BIRC6: variants seen among roughly 807,000 people sequenced by gnomAD.
The protein encoded by BIRC6 is dual E2 ubiquitin-conjugating enzyme/E3 ubiquitin-protein ligase BIRC6.
Under a neutral mutation model 503.3 loss-of-function variants are expected in BIRC6, and 98 were observed. The observed-to-expected ratio is 0.19, with a 90% CI of 0.17 to 0.23. The LOEUF is 0.23. BIRC6 is among the 10% of genes least tolerant of loss of function. The probability of loss-of-function intolerance (pLI) is 1.00; values close to 1 mark genes in which losing one functional copy is unlikely to be tolerated. For missense variants in BIRC6, 5,360 were observed against 5,806.0 expected, an observed-to-expected ratio of 0.92 and a Z score of 2.50; for synonymous variants, 2,240 against 2,078.7, an observed-to-expected ratio of 1.08 and a Z score of -2.11.
intron 10 of BIRC6, among the ~76,000 whole-genome samples, chr2:32,417,504 A>G (rs1465692795): frequency 3.3e-5 from 5 of 152,156 alleles, no homozygotes; most frequent in Admixed American, 6.5e-5. Flanking sequence ...GAAAAGGATT[A>G]CTGACAATAT....
At chr2:32,563,523 A>G (rs374527664) in intron 65 of BIRC6, 81 of 152,328 alleles carry the variant, frequency 5.3e-4, no homozygotes, top group East Asian at 3.1e-3. Context: ...AATATATGCA[A>G]TGTTTACTGG....
chr2:32,482,391 G>A (rs1249635217), intron 38 of BIRC6, 38 bp from the exon 39 acceptor site: 5 of 1,595,208 alleles, frequency 3.1e-6, no homozygotes, highest in African/African-American at 1.3e-5. Context: ...CAGCCAAGAG[G>A]CAAAAATAAA....
intron 3 of BIRC6, among the ~76,000 whole-genome samples, chr2:32,382,804 A>G (rs1296347728): frequency 6.6e-6 from 1 of 152,048 alleles, no homozygotes; most frequent in Non-Finnish European, 1.5e-5. Context: ...GCTCACTGCA[A>G]CGTCCGTCTC....
intron 60 of BIRC6, 107 bp from the exon 61 acceptor site, chr2:32,531,247 TC>T (rs2056727809): frequency 7.7e-6 from 7 of 912,342 alleles, no homozygotes; most frequent in Non-Finnish European, 1.1e-5. Flanking sequence ...TGTTTTGTGC[TC>T]TTTTTTGAGT....
At chr2:32,362,479 C>A (rs1202049594) in intron 1 of BIRC6, among the ~76,000 whole-genome samples, 1 of 152,024 alleles carries the variant, frequency 6.6e-6, no homozygotes, top group Admixed American at 6.6e-5. Flanking sequence ...CCAGACCCGG[C>A]TAATTTTTTT....
At chr2:32,389,056 G>C (rs768925374) in intron 4 of BIRC6, 113 bp downstream of exon 4, 1 of 739,022 alleles carries the variant, frequency 1.4e-6, no homozygotes, top group Non-Finnish European at 1.9e-6. Flanking sequence ...ACAATTTCTA[G>C]CCTAATTTTG....
At chr2:32,381,405 A>G (rs1017293552) in intron 3 of BIRC6, among the ~76,000 whole-genome samples, 4 of 151,570 alleles carry the variant, frequency 2.6e-5, no homozygotes, top group African/African-American at 9.7e-5. Context: ...ACGCCTGGCA[A>G]ATTTTGTATT....
chr2:32,543,191 CTGATGTTGAAAA>C, intron 61 of BIRC6, 38 bp from the exon 62 acceptor site: 3 of 1,528,526 alleles, frequency 2.0e-6, no homozygotes, highest in Non-Finnish European at 1.8e-6. Context: ...TACTTTGAAT[CTGATGTTGAAAA>C]TGTGAATGGC....
At chr2:32,524,603 T>G (rs1473919014) in intron 57 of BIRC6, among the ~76,000 whole-genome samples, 2 of 152,178 alleles carry the variant, frequency 1.3e-5, no homozygotes, top group Non-Finnish European at 2.9e-5. Context: ...ATGCTACTGG[T>G]TTTTCATTGT....
Position 32,415,910 on chromosome 2 carries a change from C to T in BIRC6, c.2619C>T (p.Asp873=). ...ATATATTGGATAATCGAGAGGATGA[C>T]TGTGAGGAACCTATTGAGGACATGC... ...PPDILDNRED[D]CEEPIEDMQL... Residue 873 remains aspartate (D), a synonymous_variant, in exon 10 of 74, where the codon GAC becomes GAT. Transcript: ENST00000421745. 2 of 1,613,962 alleles carry T rather than the reference C, an allele frequency of 1.2e-6. No individual in the cohort carries two copies. The highest frequency in any genetic ancestry group is 1.7e-6 in the Non-Finnish European group (2 of 1,179,878).
intron 5 of BIRC6, 88 bp downstream of exon 5, chr2:32,392,238 A>T: frequency 1.0e-6 from 1 of 961,422 alleles, no homozygotes; most frequent in Non-Finnish European, 1.6e-6. Flanking sequence ...TTTTTCAGAA[A>T]CTTATTTTGT....
At chr2:32,439,188 T>C (rs907732597) in intron 15 of BIRC6, among the ~76,000 whole-genome samples, 19 of 150,572 alleles carry the variant, frequency 1.3e-4, no homozygotes, top group East Asian at 3.9e-4. Flanking sequence ...TGTGTGTGTG[T>C]GCGTGTGTAT....
chr2:32,433,504 C>A, intron 12 of BIRC6, 140 bp from the exon 13 acceptor site: 1 of 598,688 alleles, frequency 1.7e-6, no homozygotes, highest in Non-Finnish European at 2.7e-6. Flanking sequence ...GAGCTATTTT[C>A]TCTCTTGATC....
Position 32,453,946 on chromosome 2 carries a change from C to T in BIRC6, c.4753+4C>T, listed in dbSNP as rs562460636. On this transcript the variant is annotated splice_donor_region_variant and intron_variant, in intron 23 of 73. Coordinates refer to ENST00000421745, the MANE Select transcript of BIRC6 (RefSeq NM_016252.4). ...AGAATAGAAAGGGATGATGCAAGTA[C>T]GTTTACTGGTATATACCTTCTTTTA... is the stretch of plus-strand genomic sequence containing the variant. 32 of 1,610,014 alleles carry T rather than the reference C, an allele frequency of 2.0e-5. No individual in the cohort carries two copies. In the African/African-American group the frequency reaches 2.5e-4, roughly 13 times the overall value.
chr2:32,616,462 A>AGG (rs1391714855), intron 73 of BIRC6, among the ~76,000 whole-genome samples: 2 of 148,534 alleles, frequency 1.3e-5, no homozygotes, highest in Admixed American at 1.4e-4. Flanking sequence ...CGGGAGGCTG[A>AGG]GGCATGAGAA....
At chr2:32,505,577 G>A (rs925743617) in intron 50 of BIRC6, among the ~76,000 whole-genome samples, 1 of 152,116 alleles carries the variant, frequency 6.6e-6, no homozygotes, top group African/African-American at 2.4e-5. Flanking sequence ...TGTGAAATTA[G>A]CATAGATTTG....
At chr2:32,429,484 C>T (rs1247436551) in intron 11 of BIRC6, among the ~76,000 whole-genome samples, 189 bp downstream of exon 11, 1 of 151,492 alleles carries the variant, frequency 6.6e-6, no homozygotes, top group Admixed American at 6.6e-5. Context: ...AGCTTTTAGT[C>T]TAATTAGAGG....
chr2:32,399,827 G>T (rs181555737), intron 6 of BIRC6, among the ~76,000 whole-genome samples: 10 of 151,854 alleles, frequency 6.6e-5, no homozygotes, highest in Admixed American at 4.6e-4. Context: ...TTGCTCTGTT[G>T]CTCAGGCTGG....
intron 6 of BIRC6, among the ~76,000 whole-genome samples, chr2:32,399,697 G>A (rs767573679): frequency 2.0e-5 from 3 of 152,122 alleles, no homozygotes; most frequent in Non-Finnish European, 2.9e-5. Flanking sequence ...AGTTGATCCT[G>A]CTTACAATAT....
Sources: allele counts gnomAD v4.1 joint callset (sites outside exome capture counted in the v4.1 genomes callset), GRCh38; gene constraint gnomAD v4.1.1; transcripts MANE v1.5; gene names NCBI Gene and HGNC (gene_info 2026-07-23, HGNC 2026-07-21).